RFX3: variants seen among roughly 807,000 people sequenced by gnomAD.
The protein encoded by RFX3 is transcription factor RFX3.
In RFX3, 14 loss-of-function variants were observed where a neutral mutation model predicts 98.6. The ratio of observed to expected loss-of-function variants is 0.14; its 90% confidence interval spans 0.09 to 0.22. RFX3 has a LOEUF of 0.22. RFX3 is among the 10% of genes least tolerant of loss of function. RFX3 has a pLI of 1.00. For missense variants in RFX3, 639 were observed against 926.9 expected (o/e 0.69, Z 4.03); for synonymous variants, 383 against 328.4 (o/e 1.17, Z -1.80).
intron 3 of RFX3, among the ~76,000 whole-genome samples, chr9:3,340,201 T>G (rs1285329358): frequency 6.6e-6 from 1 of 152,216 alleles, no homozygotes; most frequent in Admixed American, 6.5e-5. Context: ...GCTAGCCATA[T>G]GTAGAAAGCT....
At chr9:3,459,083 G>C (rs1007138083) in intron 1 of RFX3, among the ~76,000 whole-genome samples, 1 of 152,070 alleles carries the variant, frequency 6.6e-6, no homozygotes, top group Non-Finnish European at 1.5e-5. Flanking sequence ...AGTATGTCTT[G>C]GGAGCTCAGA....
chr9:3,503,284 T>C (rs1816250300), intron 1 of RFX3, among the ~76,000 whole-genome samples: 1 of 152,236 alleles, frequency 6.6e-6, no homozygotes, highest in South Asian at 2.1e-4. Context: ...TAAAAATAAA[T>C]ATTGTATATA....
intron 4 of RFX3, among the ~76,000 whole-genome samples, chr9:3,316,501 A>G (rs904266547): frequency 3.3e-5 from 5 of 152,240 alleles, no homozygotes; most frequent in African/African-American, 1.2e-4. Flanking sequence ...CTCCTATTCA[A>G]CATAGTGTTG....
intron 1 of RFX3, among the ~76,000 whole-genome samples, chr9:3,474,004 G>C (rs1848998934): frequency 6.6e-6 from 1 of 152,208 alleles, no homozygotes; most frequent in African/African-American, 2.4e-5. Context: ...ACCTTCCATA[G>C]TTTCTGATTC....
At chr9:3,245,453 G>C (rs1027435017) in intron 15 of RFX3, among the ~76,000 whole-genome samples, 1 of 152,164 alleles carries the variant, frequency 6.6e-6, no homozygotes, top group Admixed American at 6.5e-5. Context: ...AGTAACACAA[G>C]GGAAAGTCAC....
intron 11 of RFX3, among the ~76,000 whole-genome samples, chr9:3,269,353 T>G (rs1213683768): frequency 6.6e-6 from 1 of 152,108 alleles, no homozygotes; most frequent in African/African-American, 2.4e-5. Context: ...CTTCCCCTTT[T>G]GTTCTACTAA....
chr9:3,337,014 C>T (rs1833269536), intron 3 of RFX3, among the ~76,000 whole-genome samples: 1 of 152,112 alleles, frequency 6.6e-6, no homozygotes, highest in African/African-American at 2.4e-5. Flanking sequence ...GCTTAAAAGC[C>T]ACTGTTACAG....
At chr9:3,381,966 C>T (rs750109550) in intron 2 of RFX3, among the ~76,000 whole-genome samples, 1 of 152,058 alleles carries the variant, frequency 6.6e-6, no homozygotes. Context: ...AACTGGAGCT[C>T]GTTCCACTTT....
chr9:3,525,833 G>T lies in RFX3; in HGVS notation c.-95C>A, dbSNP rs1418126656. 3 of 967,602 alleles carry T rather than the reference G, an allele frequency of 3.1e-6. No homozygotes were observed. The highest frequency in any genetic ancestry group is 4.7e-5 in the South Asian group (1 of 21,234). 59.9% of individuals were successfully genotyped at this position (967,602 alleles called of 1,614,324 possible). A position where few individuals can be genotyped will look rare whatever the true frequency, so the allele number is the denominator to read the frequency against. ...GGAGGAGGAAGAGGAGGAGGAGGAG[G>T]AGAGGAGTAGTTGTTGTTGATGGGT... is the stretch of plus-strand genomic sequence containing the variant. On this transcript the variant is annotated 5_prime_UTR_variant, in exon 1 of 17. Coordinates refer to ENST00000617270, the MANE Select transcript of RFX3 (RefSeq NM_001282116.2).
intron 1 of RFX3, among the ~76,000 whole-genome samples, chr9:3,485,992 C>T (rs1013397863): frequency 2.2e-4 from 34 of 151,612 alleles, no homozygotes; most frequent in Admixed American, 2.6e-4. Context: ...GGCATGGTGG[C>T]GCATTGCCTG....
At chr9:3,353,954 G>A (rs1414093838) in intron 2 of RFX3, among the ~76,000 whole-genome samples, 3 of 151,702 alleles carry the variant, frequency 2.0e-5, no homozygotes, top group African/African-American at 7.3e-5. Context: ...TGACCGTGCT[G>A]AGAAAAAAAG....
chr9:3,229,638 T>C (rs559539367), intron 15 of RFX3, among the ~76,000 whole-genome samples: 38 of 152,300 alleles, frequency 2.5e-4, no homozygotes, highest in African/African-American at 9.1e-4. Flanking sequence ...AAATAAAAAT[T>C]GAATAGAGTA....
At chr9:3,471,227 T>G (rs1848746598) in intron 1 of RFX3, among the ~76,000 whole-genome samples, 1 of 152,214 alleles carries the variant, frequency 6.6e-6, no homozygotes, top group African/African-American at 2.4e-5. Flanking sequence ...CAGCATCCAT[T>G]TGTACATCAC....
At chr9:3,504,972 A>ATTATATAATATATAATATATAATATATC (rs1816765859) in intron 1 of RFX3, among the ~76,000 whole-genome samples, 1 of 66,268 alleles carries the variant, frequency 1.5e-5, no homozygotes, top group East Asian at 9.6e-4. Flanking sequence ...TATAATATAT[A>ATTATATAATATATAATATATAATATATC]TTATATAATA....
intron 1 of RFX3, among the ~76,000 whole-genome samples, chr9:3,504,179 ATACATAT>A (rs1181637370): frequency 1.1e-5 from 1 of 92,206 alleles, no homozygotes; most frequent in Non-Finnish European, 1.7e-5. Context: ...ATTATATATT[ATACATAT>A]TATATATTAT....
intron 7 of RFX3, among the ~76,000 whole-genome samples, chr9:3,287,376 G>C (rs1470073271): frequency 6.6e-6 from 1 of 151,828 alleles, no homozygotes. Context: ...CTGGTAAAGA[G>C]GAAAGGATTT....
chr9:3,350,354 T>A (rs1214949905), intron 2 of RFX3, among the ~76,000 whole-genome samples: 1 of 152,168 alleles, frequency 6.6e-6, no homozygotes, highest in Admixed American at 6.6e-5. Flanking sequence ...TCTCCCATCA[T>A]AAGATACCAA....
chr9:3,224,893 T>C lies in RFX3; in HGVS notation c.*149A>G. On this transcript the variant is annotated 3_prime_UTR_variant, in exon 17 of 17. Coordinates refer to ENST00000617270, the MANE Select transcript of RFX3 (RefSeq NM_001282116.2). ...AAAAAAAAAGATCTGGCAAAATACA[T>C]ACACCCATTCCATTTCACAACTCCA... 2 of 727,536 alleles carry C rather than the reference T, an allele frequency of 2.7e-6. No individual in the cohort carries two copies. Among genetic ancestry groups the C allele is most frequent in the South Asian group, 1.9e-5 (1 of 52,746 alleles). The allele number at this position is 727,536 out of a possible 1,614,324, so 45.1% of individuals were successfully genotyped here.
At chr9:3,488,761 T>G in intron 1 of RFX3, 2 of 984,870 alleles carry the variant, frequency 2.0e-6, no homozygotes, top group South Asian at 9.4e-5. Context: ...TTGATGTACT[T>G]TACAGAGGAC....
Sources: gnomAD v4.1 joint callset for allele counts (sites outside exome capture counted in the v4.1 genomes callset) on GRCh38, gnomAD v4.1.1 for gene constraint, MANE v1.5 for transcripts, NCBI Gene and HGNC (gene_info 2026-07-23, HGNC 2026-07-21) for gene names.